EMILIN2: variants seen among roughly 807,000 people sequenced by gnomAD.
The protein encoded by EMILIN2 is elastin microfibril interfacer 2, also known as EMILIN-2.
A neutral mutation model predicts 87.1 loss-of-function variants in EMILIN2; 71 were observed. The ratio of observed to expected loss-of-function variants is 0.82; its 90% CI spans 0.67 to 0.99. The LOEUF is 0.99. Ranked by LOEUF, EMILIN2 falls within the 50% of genes least tolerant of loss-of-function variation. The probability of loss-of-function intolerance (pLI) is 0.00; values close to 1 mark genes in which losing one functional copy is unlikely to be tolerated. For missense variants in EMILIN2, 1,407 were observed against 1,371.8 expected, an observed-to-expected ratio of 1.03 and a Z score of -0.40; for synonymous variants, 581 against 563.4, an observed-to-expected ratio of 1.03 and a Z score of -0.44.
upstream of EMILIN2, among the ~76,000 whole-genome samples, chr18:2,846,405 G>T (rs1176595336): frequency 6.6e-6 from 1 of 152,256 alleles, no homozygotes; most frequent in Non-Finnish European, 1.5e-5. The surrounding 1 kb of genome is among the most constrained non-coding windows in gnomAD (Gnocchi z 5.3). Flanking sequence ...ACGCTGAGCT[G>T]CAGCAGCCTC....
chr18:2,905,452 G>A (rs539392468), intron 4 of EMILIN2, among the ~76,000 whole-genome samples: 4 of 151,526 alleles, frequency 2.6e-5, no homozygotes, highest in African/African-American at 9.7e-5. Context: ...GGGGTAATAG[G>A]GTATCTATTA....
rs1331687049 is a variant in EMILIN2, at chr18:2,891,109, G to A, written c.982G>A (p.Glu328Lys). The stretch of plus-strand genomic sequence containing the variant: ...CAGTAAGATCGACGCCCTGAGAGAG[G>A]AGCTCATGGAGGGCATGGACAGAAA... Reference protein sequence around the residue: ...VDSKIDALREELMEGMDRKLA... With the variant: ...VDSKIDALREKLMEGMDRKLA... The change falls in exon 4 of 8, where the codon GAG becomes AAG. Residue 328 changes from glutamate (E) to lysine (K), a missense_variant. Physicochemically the swap from Glu to Lys is moderately conservative, Grantham distance 56. Coordinates refer to ENST00000254528, the MANE Select transcript of EMILIN2 (RefSeq NM_032048.3). This position sits in a 1 kb window ranked among gnomAD's most constrained non-coding sequence, Gnocchi z 4.6. 6.2e-7 allele frequency: 1 copy of A among 1,614,172 alleles called. No individual in the cohort carries two copies. The highest frequency in any genetic ancestry group is 2.2e-5 in the East Asian group (1 of 44,882).
At chr18:2,858,554 T>TATATGTGTGC (rs2076641155) in intron 2 of EMILIN2, among the ~76,000 whole-genome samples, 2 of 73,988 alleles carry the variant, frequency 2.7e-5, no homozygotes, top group Non-Finnish European at 4.3e-5. Flanking sequence ...TATATATATA[T>TATATGTGTGC]ATATATATAT....
intron 2 of EMILIN2, among the ~76,000 whole-genome samples, chr18:2,856,666 T>G (rs117281099): frequency 2.6e-5 from 4 of 152,218 alleles, no homozygotes; most frequent in Admixed American, 1.3e-4. Context: ...GTGAGGTTCC[T>G]TCTAGTCTCC....
intron 4 of EMILIN2, among the ~76,000 whole-genome samples, chr18:2,903,925 C>G (rs893019805): frequency 6.6e-6 from 1 of 152,198 alleles, no homozygotes; most frequent in East Asian, 1.9e-4. Flanking sequence ...TCTCCCCTTT[C>G]TTTTACTCTC....
At chr18:2,911,080 C>T (rs958837346) in intron 7 of EMILIN2, among the ~76,000 whole-genome samples, 1 of 151,574 alleles carries the variant, frequency 6.6e-6, no homozygotes, top group Non-Finnish European at 1.5e-5. Flanking sequence ...GACCAAGGGG[C>T]ATGAGGCAGA....
chr18:2,907,125 C>T, intron 5 of EMILIN2, 40 bp downstream of exon 5: 1 of 1,229,522 alleles, frequency 8.1e-7, no homozygotes, highest in South Asian at 4.0e-5. Flanking sequence ...GCGGGGCTCT[C>T]CCGGAACTTC....
In EMILIN2 at chr18:2,858,543, A is replaced by G. The variant is rs376876754; in HGVS notation, c.257+10612A>G. Among the ~76,000 whole-genome samples, 142 of 38,862 alleles carry G rather than the reference A, an allele frequency of 3.7e-3. 8 individuals are homozygous for G. Among genetic ancestry groups the G allele is most frequent in the Non-Finnish European group, 5.2e-3 (122 of 23,372 alleles). The allele number at this position is 38,862 out of a possible 152,430, so 25.5% of individuals were successfully genotyped here. ...CCATCATATATATATATATATATAT[A>G]TATATATATATATATATATATATAT... On this transcript the variant is annotated intron_variant, in intron 2 of 7. Coordinates refer to ENST00000254528, the MANE Select transcript of EMILIN2 (RefSeq NM_032048.3).
chr18:2,873,111 T>G (rs1390155573), intron 2 of EMILIN2, among the ~76,000 whole-genome samples: 1 of 151,956 alleles, frequency 6.6e-6, no homozygotes, highest in Non-Finnish European at 1.5e-5. Flanking sequence ...CCACCTATAT[T>G]TAACACTTAC....
chr18:2,862,489 A>C (rs1451266074), intron 2 of EMILIN2, among the ~76,000 whole-genome samples: 1 of 152,232 alleles, frequency 6.6e-6, no homozygotes, highest in African/African-American at 2.4e-5. Flanking sequence ...TATTGAGATA[A>C]TCATGTGGTT....
At chr18:2,907,339 G>A (rs1003540859) in intron 5 of EMILIN2, among the ~76,000 whole-genome samples, 2 of 152,338 alleles carry the variant, frequency 1.3e-5, no homozygotes, top group South Asian at 2.1e-4. Flanking sequence ...GTTGGAGTAC[G>A]AGTGCCACAC....
chr18:2,855,431 G>GA (rs1203736579), intron 2 of EMILIN2, among the ~76,000 whole-genome samples: 1 of 152,220 alleles, frequency 6.6e-6, no homozygotes, highest in East Asian at 1.9e-4. Flanking sequence ...ACACAACAGT[G>GA]AATAGCATTC....
intron 2 of EMILIN2, among the ~76,000 whole-genome samples, chr18:2,883,550 G>A (rs2076787960): frequency 6.6e-6 from 1 of 152,236 alleles, no homozygotes; most frequent in Admixed American, 6.5e-5. Context: ...CATCCTGTGT[G>A]GCTGTGGCTT....
chr18:2,901,809 G>T (rs1289547792), intron 4 of EMILIN2, among the ~76,000 whole-genome samples: 1 of 152,334 alleles, frequency 6.6e-6, no homozygotes, highest in South Asian at 2.1e-4. Context: ...AAATGTGTGC[G>T]TTCGGCACCC....
rs116171748 is a variant in EMILIN2, at chr18:2,913,399, C to T, written c.3157C>T (p.Leu1053Phe). The T allele has an allele frequency of 1.4e-4, 214 of 1,584,272 alleles. No individual in the cohort carries two copies. The African/African-American group carries it at 2.5e-3, about 19-fold the overall frequency. Reference protein sequence around the residue: ...GVFLYPFLSHL With the variant: ...GVFLYPFLSHF Reference sequence around the variant, plus strand: ...TTTCTTATATCCTTTCCTTTCCCACCTCTAAGGTGGCTGGGGAGATGTCAG... The same window carrying T: ...TTTCTTATATCCTTTCCTTTCCCACTTCTAAGGTGGCTGGGGAGATGTCAG... Residue 1053 changes from leucine (L) to phenylalanine (F), a missense_variant, in exon 8 of 8, where the codon CTC becomes TTC. Leu to Phe is a conservative substitution (Grantham distance 22, BLOSUM62 0). Coordinates refer to ENST00000254528, the MANE Select transcript of EMILIN2 (RefSeq NM_032048.3).
rs2076584592 is a variant in EMILIN2, at chr18:2,847,975, G to C, written c.257+44G>C. 6.5e-7 allele frequency: 1 copy of C among 1,536,780 alleles called. No homozygotes were observed. The highest frequency in any genetic ancestry group is 8.7e-7 in the Non-Finnish European group (1 of 1,144,408). On this transcript the variant is annotated intron_variant, in intron 2 of 7. Transcript: ENST00000254528. The surrounding 1 kb of genome is among the most constrained non-coding windows in gnomAD (Gnocchi z 4.5). Reference sequence around the variant, plus strand: ...GAGCGGGCGGGGCGCGCCCGGGCCGGGGCGGTGGGGGTGGGGTGGGGTTGC... The same window carrying C: ...GAGCGGGCGGGGCGCGCCCGGGCCGCGGCGGTGGGGGTGGGGTGGGGTTGC...
At chr18:2,883,356 T>G (rs942007563) in intron 2 of EMILIN2, among the ~76,000 whole-genome samples, 17 of 152,004 alleles carry the variant, frequency 1.1e-4, no homozygotes, top group African/African-American at 3.9e-4. Flanking sequence ...TTGTCCCGCC[T>G]CCCCCCATGG....
In EMILIN2 at chr18:2,873,576, G is replaced by A. The variant is rs867692209; in HGVS notation, c.258-11388G>A. Among the ~76,000 whole-genome samples the A allele has an allele frequency of 8.8e-3, 1,303 of 148,660 alleles. 29 individuals carry two copies. The highest frequency in any genetic ancestry group is 0.031 in the African/African-American group (1,213 of 39,602). On this transcript the variant is annotated intron_variant, in intron 2 of 7. Transcript: ENST00000254528. ...CAAAAAATTAGCCGGGCGTGGTGGCGGGCGCCTGTAGTCCCAGCTACTCGG... is the reference window on the plus strand; with the variant it reads ...CAAAAAATTAGCCGGGCGTGGTGGCAGGCGCCTGTAGTCCCAGCTACTCGG...
At chr18:2,884,738 C>T (rs1474759372) in intron 2 of EMILIN2, among the ~76,000 whole-genome samples, 5 of 152,122 alleles carry the variant, frequency 3.3e-5, no homozygotes, top group African/African-American at 7.2e-5. Context: ...GAAACGGGTG[C>T]TCAGGGCAGG....
Sources: gnomAD v4.1 joint callset for allele counts (sites outside exome capture counted in the v4.1 genomes callset) on GRCh38, gnomAD v4.1.1 for gene constraint, Gnocchi (gnomAD v3.1) non-coding constraint, MANE v1.5 for transcripts, NCBI Gene and HGNC (gene_info 2026-07-23, HGNC 2026-07-21) for gene names.